Variants in TTC28 observed in about 807,000 individuals in gnomAD.
TTC28 encodes the protein tetratricopeptide repeat protein 28.
TTC28 carries 61 observed loss-of-function variants against 198.0 expected under a neutral mutation model. The ratio of observed to expected loss-of-function variants is 0.31; its 90% CI spans 0.25 to 0.38. The LOEUF is 0.38. Ranked by LOEUF, TTC28 falls within the 10% of genes least tolerant of loss-of-function variation. The probability of loss-of-function intolerance (pLI) is 1.00; values close to 1 mark genes in which losing one functional copy is unlikely to be tolerated. For missense variants in TTC28, 2,678 were observed against 3,164.0 expected (o/e 0.85, Z 3.69); for synonymous variants, 1,171 against 1,297.8 (o/e 0.90, Z 2.10).
At chr22:28,312,981 G>T (rs561475662) in intron 2 of TTC28, among the ~76,000 whole-genome samples, 1 of 152,042 alleles carries the variant, frequency 6.6e-6, no homozygotes, top group African/African-American at 2.4e-5. Flanking sequence ...AAATAAACAA[G>T]AAAAAAGAGA....
intron 2 of TTC28, among the ~76,000 whole-genome samples, chr22:28,341,201 T>C (rs2045822827): frequency 6.6e-6 from 1 of 152,188 alleles, no homozygotes; most frequent in Non-Finnish European, 1.5e-5. Context: ...TTGTGGGCAA[T>C]TGGAGACAAA....
chr22:28,669,006 C>T (rs1413595668), intron 1 of TTC28, among the ~76,000 whole-genome samples: 1 of 45,586 alleles, frequency 2.2e-5, no homozygotes, highest in South Asian at 8.6e-4. Context: ...TTTGTAGGGA[C>T]ATGGATGAAA....
chr22:28,023,960 T>C (rs999020617), intron 13 of TTC28, among the ~76,000 whole-genome samples: 4 of 152,186 alleles, frequency 2.6e-5, no homozygotes, highest in African/African-American at 9.7e-5. Flanking sequence ...TGCTGAGTGC[T>C]AGGAAGTAAT....
chr22:28,416,266 T>C (rs2047166791), intron 2 of TTC28, among the ~76,000 whole-genome samples: 1 of 152,196 alleles, frequency 6.6e-6, no homozygotes, highest in Admixed American at 6.5e-5. Flanking sequence ...CTTTGGGGTT[T>C]TTCTCCTTTA....
intron 5 of TTC28, among the ~76,000 whole-genome samples, chr22:28,276,446 A>G (rs976195631): frequency 6.6e-6 from 1 of 152,228 alleles, no homozygotes; most frequent in African/African-American, 2.4e-5. Flanking sequence ...TTCAGGAGAA[A>G]GATGGATCTG....
chr22:28,637,729 T>C (rs1198019546), intron 1 of TTC28, among the ~76,000 whole-genome samples: 2 of 150,878 alleles, frequency 1.3e-5, no homozygotes, highest in Non-Finnish European at 3.0e-5. Context: ...TGGATAAAAA[T>C]TCAGGACACA....
At chr22:27,996,042 C>A in intron 17 of TTC28, 93 bp downstream of exon 17, 1 of 1,471,760 alleles carries the variant, frequency 6.8e-7, no homozygotes, top group Non-Finnish European at 9.0e-7. Flanking sequence ...TCCTCTCCAA[C>A]TGCTCACATC....
In TTC28 at chr22:28,051,039, C is replaced by T. The variant is rs530804892; in HGVS notation, c.3933-20673G>A. 1.1e-4 allele frequency among the ~76,000 whole-genome samples: 17 copies of T among 152,220 alleles called. No individual in the cohort carries two copies. In the South Asian group the frequency reaches 1.5e-3, roughly 13 times the overall value. On this transcript the variant is annotated intron_variant, in intron 12 of 22. Transcript: ENST00000397906. ...CTATCAAACTGAGTCTATTTGGTCT[C>T]GATAAGAGACCACTTAATAGAGAAA... is the stretch of plus-strand genomic sequence containing the variant.
intron 2 of TTC28, among the ~76,000 whole-genome samples, chr22:28,608,782 A>G (rs1247305290): frequency 1.3e-5 from 2 of 152,212 alleles, no homozygotes; most frequent in African/African-American, 4.8e-5. Flanking sequence ...AGTTCAAGGC[A>G]TTTAAGGAAT....
Position 28,084,441 on chromosome 22 carries a change from G to A in TTC28, c.3932+9639C>T, listed in dbSNP as rs1180282494. The stretch of plus-strand genomic sequence containing the variant: ...TCCAGTAAACTCCAACAGACCTGCA[G>A]CTGAGGGTCCTGTCTGTTAGAAGGA... On this transcript the variant is annotated intron_variant, in intron 12 of 22. Coordinates refer to ENST00000397906, the MANE Select transcript of TTC28 (RefSeq NM_001145418.2). Among the ~76,000 whole-genome samples, 3 of 152,322 alleles carry A rather than the reference G, an allele frequency of 2.0e-5. No homozygotes were observed. The East Asian group carries it at 5.8e-4, about 29-fold the overall frequency.
chr22:28,607,826 A>G (rs546648106), intron 2 of TTC28, among the ~76,000 whole-genome samples: 1 of 152,276 alleles, frequency 6.6e-6, no homozygotes, highest in African/African-American at 2.4e-5. Flanking sequence ...CAAATCCCTC[A>G]GGTTCTCTCT....
intron 13 of TTC28, among the ~76,000 whole-genome samples, chr22:28,029,603 G>A (rs1300387619): frequency 1.3e-5 from 2 of 152,160 alleles, no homozygotes; most frequent in African/African-American, 2.4e-5. Context: ...CTGTTTATCC[G>A]GACCCAGCTC....
intron 2 of TTC28, among the ~76,000 whole-genome samples, chr22:28,517,893 CTT>C (rs1248327948): frequency 6.6e-6 from 1 of 152,018 alleles, no homozygotes. Flanking sequence ...CAATTTTTCT[CTT>C]GTCCGAAGTT....
At chr22:27,990,945 G>A in intron 19 of TTC28, 133 bp from the exon 20 acceptor site, 2 of 841,708 alleles carry the variant, frequency 2.4e-6, no homozygotes, top group South Asian at 1.8e-5. Flanking sequence ...GCTCTGACTG[G>A]GAGGGGAGAG....
intron 19 of TTC28, among the ~76,000 whole-genome samples, chr22:27,991,777 G>A (rs1449726987): frequency 6.6e-6 from 1 of 152,176 alleles, no homozygotes; most frequent in African/African-American, 2.4e-5. Flanking sequence ...GTGCAGCATG[G>A]GTACTGAGAA....
intron 6 of TTC28, among the ~76,000 whole-genome samples, chr22:28,116,885 G>T (rs2086362423): frequency 6.6e-6 from 1 of 152,168 alleles, no homozygotes; most frequent in Non-Finnish European, 1.5e-5. Flanking sequence ...CCACAGAGCA[G>T]TCCCATACTC....
intron 2 of TTC28, among the ~76,000 whole-genome samples, chr22:28,407,999 CTT>C (rs947481245): frequency 2.6e-5 from 4 of 152,154 alleles, no homozygotes; most frequent in African/African-American, 4.8e-5. Context: ...CGTAACCTCT[CTT>C]ATATTTTAGT....
At chr22:28,047,714 AG>A (rs1939924709) in intron 12 of TTC28, among the ~76,000 whole-genome samples, 1 of 152,182 alleles carries the variant, frequency 6.6e-6, no homozygotes. Flanking sequence ...AGCCCAAAGC[AG>A]GCCCAGGTGA....
In TTC28 at chr22:28,014,752, G is replaced by A. The variant is rs759534828; in HGVS notation, c.4074-360C>T. 3.3e-5 allele frequency among the ~76,000 whole-genome samples: 5 copies of A among 152,238 alleles called. No individual in the cohort carries two copies. In the South Asian group the frequency reaches 8.3e-4, roughly 25 times the overall value. On this transcript the variant is annotated intron_variant, in intron 13 of 22. Coordinates refer to ENST00000397906, the MANE Select transcript of TTC28 (RefSeq NM_001145418.2). Reference sequence around the variant, plus strand: ...ATTAGGAATCAGCGACAGCCACCAAGCTGATGAGGACAGTGCCCCAATGCC... The same window carrying A: ...ATTAGGAATCAGCGACAGCCACCAAACTGATGAGGACAGTGCCCCAATGCC...
Sources: gnomAD v4.1 joint callset for allele counts (sites outside exome capture counted in the v4.1 genomes callset) on GRCh38, gnomAD v4.1.1 for gene constraint, MANE v1.5 for transcripts, NCBI Gene and HGNC (gene_info 2026-07-23, HGNC 2026-07-21) for gene names.